Variants in RNF170 observed in about 807,000 individuals in gnomAD.
RNF170 encodes the protein ring finger protein 170, also known as E3 ubiquitin-protein ligase RNF170.
In RNF170, 12 loss-of-function variants were observed where a neutral mutation model predicts 32.7. The observed-to-expected ratio is 0.37, with a 90% CI of 0.24 to 0.60. The LOEUF (loss-of-function observed/expected upper bound fraction) is 0.60, where lower values mean the gene tolerates loss of function less well. Ranked by LOEUF, RNF170 falls within the 20% of genes least tolerant of loss-of-function variation. The pLI is 0.72. For missense variants in RNF170, 212 were observed against 311.2 expected (o/e 0.68, Z 2.40); for synonymous variants, 91 against 103.6 (o/e 0.88, Z 0.74).
intron 4 of RNF170, among the ~76,000 whole-genome samples, chr8:42,867,775 CAAAAA>C (rs1054907767): frequency 8.1e-5 from 2 of 24,772 alleles, no homozygotes; most frequent in Admixed American, 4.2e-4. Flanking sequence ...GACTCCATCT[CAAAAA>C]AAAAAAAAAA....
intron 2 of RNF170, 40 bp from the exon 3 acceptor site, chr8:42,874,046 TATC>T (rs1804723488): frequency 2.5e-6 from 3 of 1,200,376 alleles, no homozygotes; most frequent in East Asian, 2.4e-5. Context: ...TAGAAAATAT[TATC>T]ATATGAATCC....
downstream of RNF170, chr8:42,850,437 C>T (rs1802912695): frequency 9.7e-6 from 3 of 308,134 alleles, no homozygotes; most frequent in Admixed American, 4.3e-5. Context: ...TGGCTTAGAC[C>T]TGGGCGGCAG....
chr8:42,849,769 T>TA (rs1306841569), downstream of RNF170: 1 of 152,222 alleles, frequency 6.6e-6, no homozygotes, highest in African/African-American at 2.4e-5. Flanking sequence ...TATTTCAACT[T>TA]AGAGTTCCCT....
downstream of RNF170, chr8:42,851,040 G>C (rs1802927684): frequency 1.3e-6 from 2 of 1,547,230 alleles, no homozygotes; most frequent in African/African-American, 1.4e-5. Flanking sequence ...ATGTTTGTTA[G>C]ATCATGTCTT....
At chr8:42,890,199 C>G (rs1806175816) in intron 1 of RNF170, among the ~76,000 whole-genome samples, 1 of 150,016 alleles carries the variant, frequency 6.7e-6, no homozygotes, top group Non-Finnish European at 1.5e-5. Flanking sequence ...ATAAATTATA[C>G]TGTACAACAT....
chr8:42,861,110 T>C lies in RNF170; in HGVS notation c.507+635A>G, dbSNP rs570728381. ...AAACTTAAAGTTTTCAGTTGTAACTTTTCTCAAAAGACAAATGGTGTTTTA... is the reference window on the plus strand; with the variant it reads ...AAACTTAAAGTTTTCAGTTGTAACTCTTCTCAAAAGACAAATGGTGTTTTA... On this transcript the variant is annotated intron_variant, in intron 6 of 6. Coordinates refer to ENST00000527424, the MANE Select transcript of RNF170 (RefSeq NM_030954.4). Among the ~76,000 whole-genome samples the C allele has an allele frequency of 9.8e-5, 15 of 152,338 alleles. No homozygotes were observed. In the East Asian group the frequency reaches 2.9e-3, roughly 29 times the overall value.
Position 42,855,187 on chromosome 8 carries a change from T to C in RNF170, c.*972A>G, listed in dbSNP as rs1421358057. ...ATGAGCTCTTGTTTAAATGTCTAAC[T>C]GTGAACATCAAGTGTGCTGACTGGA... On this transcript the variant is annotated 3_prime_UTR_variant, in exon 7 of 7. Coordinates refer to ENST00000527424, the MANE Select transcript of RNF170 (RefSeq NM_030954.4). 6 of 1,286,736 alleles carry C rather than the reference T, an allele frequency of 4.7e-6. No individual in the cohort carries two copies. Among genetic ancestry groups the C allele is most frequent in the African/African-American group, 1.5e-5 (1 of 65,740 alleles). The allele number at this position is 1,286,736 out of a possible 1,614,324, so 79.7% of individuals were successfully genotyped here.
intron 1 of RNF170, chr8:42,896,062 C>A: frequency 4.9e-6 from 1 of 205,798 alleles, no homozygotes; most frequent in Non-Finnish European, 1.0e-5. Flanking sequence ...GAGGTGGAAG[C>A]TCCAGAACGA....
At chr8:42,882,220 C>T (rs770407343) in intron 2 of RNF170, among the ~76,000 whole-genome samples, 8 of 152,282 alleles carry the variant, frequency 5.3e-5, no homozygotes, top group Middle Eastern at 3.4e-3. Flanking sequence ...ATAGAAATTA[C>T]TTTATGACCC....
At chr8:42,865,379 C>G in intron 5 of RNF170, 37 bp downstream of exon 5, 1 of 1,473,302 alleles carries the variant, frequency 6.8e-7, no homozygotes. Flanking sequence ...ACAAAATAAA[C>G]TAGCATAAAT....
chr8:42,884,718 T>G (rs1805669823), intron 2 of RNF170, among the ~76,000 whole-genome samples: 1 of 150,836 alleles, frequency 6.6e-6, no homozygotes, highest in African/African-American at 2.4e-5. Flanking sequence ...TTTTTTTTCT[T>G]TTGAGATGGA....
chr8:42,856,009 T>C lies in RNF170; in HGVS notation c.*150A>G. On this transcript the variant is annotated 3_prime_UTR_variant, in exon 7 of 7. Coordinates refer to ENST00000527424, the MANE Select transcript of RNF170 (RefSeq NM_030954.4). ...AATTCCAGTTATACCTAGGTATTTG[T>C]CAAATGATAATCAAATGTTTGTCTT... 1 of 1,522,906 alleles carries C rather than the reference T, an allele frequency of 6.6e-7. No individual in the cohort carries two copies. The highest frequency in any genetic ancestry group is 1.2e-5 in the South Asian group (1 of 85,182). 94.3% of individuals were successfully genotyped at this position (1,522,906 alleles called of 1,614,324 possible). A position where few individuals can be genotyped will look rare whatever the true frequency, so the allele number is the denominator to read the frequency against.
At chr8:42,864,275 T>A (rs1268991262) in intron 5 of RNF170, among the ~76,000 whole-genome samples, 1 of 151,854 alleles carries the variant, frequency 6.6e-6, no homozygotes, top group Non-Finnish European at 1.5e-5. Context: ...ATTTTTTAAA[T>A]TTTTTTGTAG....
chr8:42,858,958 G>A (rs1803450856), intron 6 of RNF170, among the ~76,000 whole-genome samples: 1 of 152,160 alleles, frequency 6.6e-6, no homozygotes, highest in South Asian at 2.1e-4. Flanking sequence ...CGAGGTGGGA[G>A]GACCACTTGA....
At position 42,853,921 on chromosome 8, in the gene RNF170, G is replaced by T. The variant is rs1446818692; in HGVS notation, c.*2238C>A. On this transcript the variant is annotated 3_prime_UTR_variant, in exon 7 of 7. Transcript: ENST00000527424. ...AGTAACTCCAAATATTATAATTATT[G>T]TAACCAGAATTGTGACACTTGGAGC... is the stretch of plus-strand genomic sequence containing the variant. 4 of 1,286,944 alleles carry T rather than the reference G, an allele frequency of 3.1e-6. No homozygotes were observed. The highest frequency in any genetic ancestry group is 4.0e-6 in the Non-Finnish European group (4 of 988,638). 79.7% of individuals were successfully genotyped at this position (1,286,944 alleles called of 1,614,324 possible).
intron 1 of RNF170, chr8:42,896,150 T>G (rs985270616): frequency 4.7e-6 from 1 of 214,810 alleles, no homozygotes; most frequent in South Asian, 5.2e-5. Flanking sequence ...CCTTACGGAT[T>G]GGCGAGCGGG....
In RNF170 at chr8:42,861,818, T is replaced by C; in HGVS notation, c.434A>G (p.Gln145Arg). 6.2e-7 allele frequency: 1 copy of C among 1,613,910 alleles called. No individual in the cohort carries two copies. The highest frequency in any genetic ancestry group is 8.5e-7 in the Non-Finnish European group (1 of 1,179,940). ...ATGCAATCTCAGAACATCCTGAGACTGATCATCTTCACCAAATACTGTTAG... is the reference window on the plus strand; with the variant it reads ...ATGCAATCTCAGAACATCCTGAGACCGATCATCTTCACCAAATACTGTTAG... ...LLLTVFGEDD[Q>R]SQDVLRLHQD... Residue 145 changes from glutamine to arginine, a missense_variant, in exon 6 of 7, where the codon CAG (glutamine) becomes CGG (arginine). Coordinates refer to ENST00000527424, the MANE Select transcript of RNF170 (RefSeq NM_030954.4).
intron 5 of RNF170, among the ~76,000 whole-genome samples, chr8:42,864,472 C>T (rs1216225303): frequency 6.6e-6 from 1 of 151,896 alleles, no homozygotes; most frequent in African/African-American, 2.4e-5. Context: ...GACACAATGT[C>T]CTATTTTGTC....
chr8:42,864,870 A>T (rs1201813061), intron 5 of RNF170, among the ~76,000 whole-genome samples: 1 of 152,028 alleles, frequency 6.6e-6, no homozygotes, highest in Non-Finnish European at 1.5e-5. Flanking sequence ...CTTTCACTAC[A>T]ACTGTAGGAT....
Sources: allele counts gnomAD v4.1 joint callset (sites outside exome capture counted in the v4.1 genomes callset), GRCh38; gene constraint gnomAD v4.1.1; transcripts MANE v1.5; gene names NCBI Gene and HGNC (gene_info 2026-07-23, HGNC 2026-07-21).